GRID1: variants seen among roughly 807,000 people sequenced by gnomAD.
The protein encoded by GRID1 is glutamate ionotropic receptor delta type subunit 1, also known as glutamate receptor ionotropic, delta-1.
A neutral mutation model predicts 98.0 loss-of-function variants in GRID1; 28 were observed. The observed-to-expected ratio is 0.29, with a 90% confidence interval of 0.21 to 0.39. GRID1 has a LOEUF of 0.39. Among genes scored for constraint, GRID1 ranks in the 10% least tolerant of loss-of-function variants. The probability of loss-of-function intolerance (pLI) is 1.00; values close to 1 mark genes in which losing one functional copy is unlikely to be tolerated. For synonymous variants in GRID1, 553 were observed against 538.5 expected, an observed-to-expected ratio of 1.03 and a Z score of -0.37; for missense variants, 1,111 against 1,340.5, an observed-to-expected ratio of 0.83 and a Z score of 2.67.
chr10:85,975,501 A>G (rs1842460972), intron 4 of GRID1, among the ~76,000 whole-genome samples: 1 of 152,352 alleles, frequency 6.6e-6, no homozygotes, highest in South Asian at 2.1e-4. Flanking sequence ...ACAAAATAAA[A>G]TAAAAAAGCT....
intron 4 of GRID1, among the ~76,000 whole-genome samples, chr10:86,064,397 C>T (rs1314223765): frequency 1.3e-5 from 2 of 152,200 alleles, no homozygotes; most frequent in African/African-American, 4.8e-5. Flanking sequence ...CAAGAGGTCC[C>T]TCCCCTAAGG....
chr10:86,366,242 T>G lies in GRID1; in HGVS notation c.79+72A>C. The G allele has an allele frequency of 1.8e-6, 2 of 1,120,026 alleles. No individual in the cohort carries two copies. Among genetic ancestry groups the G allele is most frequent in the Non-Finnish European group, 2.5e-6 (2 of 814,146 alleles). 69.4% of individuals were successfully genotyped at this position (1,120,026 alleles called of 1,614,324 possible). A position where few individuals can be genotyped will look rare whatever the true frequency, so the allele number is the denominator to read the frequency against. ...CCCCTCGGCCCAGGGAAACGCCAAGTTTGGACGCCGCGCACCCCCTGCCCC... is the reference window on the plus strand; with the variant it reads ...CCCCTCGGCCCAGGGAAACGCCAAGGTTGGACGCCGCGCACCCCCTGCCCC... On this transcript the variant is annotated intron_variant, in intron 1 of 15. Coordinates refer to ENST00000327946, the MANE Select transcript of GRID1 (RefSeq NM_017551.3). The surrounding 1 kb of genome is among the most constrained non-coding windows in gnomAD (Gnocchi z 4.1).
chr10:86,232,776 ATT>A (rs563163106), intron 2 of GRID1, among the ~76,000 whole-genome samples: 3 of 151,494 alleles, frequency 2.0e-5, no homozygotes, highest in African/African-American at 7.3e-5. Context: ...GTCTATAAAT[ATT>A]TTTTTTTAAG....
intron 2 of GRID1, among the ~76,000 whole-genome samples, chr10:86,304,182 G>C (rs745662019): frequency 6.6e-6 from 1 of 152,182 alleles, no homozygotes; most frequent in Middle Eastern, 3.2e-3. Context: ...CTCCTCAATA[G>C]CCTGCTTCAA....
At chr10:86,257,159 C>T (rs555590879) in intron 2 of GRID1, among the ~76,000 whole-genome samples, 4 of 152,318 alleles carry the variant, frequency 2.6e-5, no homozygotes, top group African/African-American at 7.2e-5. Flanking sequence ...TAGGCTTTGA[C>T]GCAGAGTTGG....
intron 13 of GRID1, among the ~76,000 whole-genome samples, chr10:85,634,171 A>G: frequency 7.2e-6 from 1 of 139,758 alleles, no homozygotes. Context: ...ACTCCATCTG[A>G]AAAAAAAAAA....
At chr10:86,194,882 C>T (rs1463358600) in intron 3 of GRID1, among the ~76,000 whole-genome samples, 1 of 152,054 alleles carries the variant, frequency 6.6e-6, no homozygotes, top group Non-Finnish European at 1.5e-5. Flanking sequence ...CCCTCACACC[C>T]CTTGTCCCAC....
intron 2 of GRID1, among the ~76,000 whole-genome samples, chr10:86,362,022 G>C (rs537419837): frequency 6.6e-6 from 1 of 152,326 alleles, no homozygotes; most frequent in South Asian, 2.1e-4. Flanking sequence ...GAATGAGCTT[G>C]GATACTCAAC....
chr10:86,296,773 G>A (rs75113328), intron 2 of GRID1, among the ~76,000 whole-genome samples: 7 of 135,870 alleles, frequency 5.2e-5, no homozygotes, highest in South Asian at 2.6e-4. Flanking sequence ...ATACATACAT[G>A]CATACATACA....
At chr10:86,345,930 T>A (rs1047248031) in intron 2 of GRID1, among the ~76,000 whole-genome samples, 1 of 152,188 alleles carries the variant, frequency 6.6e-6, no homozygotes, top group Non-Finnish European at 1.5e-5. Flanking sequence ...CCTGCCTCCC[T>A]TTCTTCACCT....
chr10:85,624,005 T>C (rs1393291755), intron 13 of GRID1, among the ~76,000 whole-genome samples: 1 of 152,162 alleles, frequency 6.6e-6, no homozygotes, highest in East Asian at 1.9e-4. Flanking sequence ...CAACAGATAT[T>C]TAGATCTGCT....
intron 3 of GRID1, among the ~76,000 whole-genome samples, chr10:86,194,273 G>A (rs374092736): frequency 8.5e-5 from 13 of 152,192 alleles, no homozygotes; most frequent in African/African-American, 3.1e-4. Flanking sequence ...TGACGGCCAA[G>A]AACTAGAAGC....
chr10:86,317,947 C>T (rs1287001096), intron 2 of GRID1, among the ~76,000 whole-genome samples: 2 of 152,234 alleles, frequency 1.3e-5, no homozygotes, highest in Non-Finnish European at 2.9e-5. Flanking sequence ...ATTGCCGTTG[C>T]CCAGGCTGGT....
At chr10:86,349,026 A>G (rs1055494242) in intron 2 of GRID1, among the ~76,000 whole-genome samples, 6 of 152,190 alleles carry the variant, frequency 3.9e-5, no homozygotes, top group African/African-American at 1.4e-4. Flanking sequence ...GCTGCTGGCT[A>G]TGTCCTCACA....
At chr10:85,884,607 A>G (rs1589287310) in intron 5 of GRID1, among the ~76,000 whole-genome samples, 2 of 152,194 alleles carry the variant, frequency 1.3e-5, no homozygotes, top group African/African-American at 4.8e-5. Flanking sequence ...CTTCAGAAAT[A>G]TATCCCTAAA....
At chr10:85,648,187 T>C (rs1335804648) in intron 12 of GRID1, 1 of 152,050 alleles carries the variant, frequency 6.6e-6, no homozygotes, top group Non-Finnish European at 1.5e-5. Context: ...AGGTGCACAT[T>C]TGAGGGGGGA....
intron 8 of GRID1, among the ~76,000 whole-genome samples, chr10:85,827,880 G>A (rs1010983386): frequency 1.3e-5 from 2 of 152,038 alleles, no homozygotes; most frequent in African/African-American, 4.8e-5. Context: ...AGATCGTCAA[G>A]GCAGAAAACT....
intron 2 of GRID1, among the ~76,000 whole-genome samples, chr10:86,271,374 C>T (rs1275471104): frequency 1.3e-5 from 2 of 152,020 alleles, no homozygotes; most frequent in Non-Finnish European, 2.9e-5. Flanking sequence ...ATATCCATCA[C>T]AATGTCTGGA....
chr10:86,329,423 C>A (rs79001895), intron 2 of GRID1, among the ~76,000 whole-genome samples: 1 of 152,184 alleles, frequency 6.6e-6, no homozygotes, highest in Admixed American at 6.5e-5. Flanking sequence ...CCCCAATATG[C>A]CTCCATGGAA....
Sources: gnomAD v4.1 joint callset for allele counts (sites outside exome capture counted in the v4.1 genomes callset) on GRCh38, gnomAD v4.1.1 for gene constraint, Gnocchi (gnomAD v3.1) non-coding constraint, MANE v1.5 for transcripts, NCBI Gene and HGNC (gene_info 2026-07-23, HGNC 2026-07-21) for gene names.